The following CAMKMT variants were observed in gnomAD, a reference collection of about 807,000 sequenced individuals.
The protein encoded by CAMKMT is calmodulin-lysine N-methyltransferase.
CAMKMT carries 53 observed loss-of-function variants against 48.0 expected under a neutral mutation model. The ratio of observed to expected loss-of-function variants is 1.10; its 90% CI spans 0.89 to 1.39. CAMKMT has a LOEUF of 1.39. Ranked by LOEUF, CAMKMT falls within the 40% of genes most tolerant of loss-of-function variation. The pLI, the probability that CAMKMT is intolerant of heterozygous loss-of-function variation, is 0.00. For missense variants in CAMKMT, 428 were observed against 402.7 expected, an observed-to-expected ratio of 1.06 and a Z score of -0.54; for synonymous variants, 165 against 152.3, an observed-to-expected ratio of 1.08 and a Z score of -0.61.
chr2:44,753,866 T>G (rs1037765983), intron 8 of CAMKMT, among the ~76,000 whole-genome samples, 189 bp from the exon 9 acceptor site: 1 of 152,236 alleles, frequency 6.6e-6, no homozygotes, highest in Non-Finnish European at 1.5e-5. Context: ...TTGGCTTTAG[T>G]TGGATAACAC....
chr2:44,706,613 A>ATTT (rs35364346), intron 5 of CAMKMT, among the ~76,000 whole-genome samples: 1 of 136,226 alleles, frequency 7.3e-6, no homozygotes, highest in Non-Finnish European at 1.6e-5. Context: ...TAGCGAAAGC[A>ATTT]TTTTTTTTTT....
At chr2:44,625,055 C>G (rs1035542093) in intron 3 of CAMKMT, among the ~76,000 whole-genome samples, 6 of 152,138 alleles carry the variant, frequency 3.9e-5, no homozygotes, top group Non-Finnish European at 8.8e-5. Context: ...ATATGTTTAA[C>G]TTTGTAAGAA....
chr2:44,673,981 GAAGAA>G (rs1675517656), intron 3 of CAMKMT, among the ~76,000 whole-genome samples: 1 of 152,154 alleles, frequency 6.6e-6, no homozygotes, highest in Non-Finnish European at 1.5e-5. Context: ...CCTTCTTGCT[GAAGAA>G]AAGTTTGAAT....
rs56885024 is a variant in CAMKMT, at chr2:44,465,568, C to CAAAA, written c.376+75276_376+75279dup. Among the ~76,000 whole-genome samples the CAAAA allele has an allele frequency of 8.6e-4, 114 of 133,326 alleles. 1 individual carries two copies. Among genetic ancestry groups the CAAAA allele is most frequent in the South Asian group, 3.9e-3 (16 of 4,154 alleles). 87.5% of individuals were successfully genotyped at this position (133,326 alleles called of 152,430 possible). The stretch of plus-strand genomic sequence containing the variant: ...CCAAGTTTGTGCCACTGTACTCTGT[C>CAAAA]AAAAAAAAAAAAAAAATCAATGAAA... On this transcript the variant is annotated intron_variant, in intron 3 of 10. Transcript: ENST00000378494.
chr2:44,371,824 T>G (rs1679210405), intron 1 of CAMKMT, among the ~76,000 whole-genome samples: 1 of 152,134 alleles, frequency 6.6e-6, no homozygotes, highest in Non-Finnish European at 1.5e-5. Flanking sequence ...TGTCATGAAA[T>G]ATCTGATCAG....
chr2:44,604,156 G>T (rs1175288469), intron 3 of CAMKMT, among the ~76,000 whole-genome samples: 1 of 152,146 alleles, frequency 6.6e-6, no homozygotes. Context: ...CCTTGATATG[G>T]CCCTTGAATT....
rs1350022936 is a variant in CAMKMT, at chr2:44,371,366, G to A, written c.139-1350G>A. On this transcript the variant is annotated intron_variant, in intron 1 of 10. Transcript: ENST00000378494. ...ATTCCTGGCCTCAAGCAGTCCTCCTGCCTCAGCCTTCCAAAGTGTTAGGAT... is the reference window on the plus strand; with the variant it reads ...ATTCCTGGCCTCAAGCAGTCCTCCTACCTCAGCCTTCCAAAGTGTTAGGAT... Among the ~76,000 whole-genome samples the A allele has an allele frequency of 2.0e-5, 3 of 152,144 alleles. No individual in the cohort carries two copies. The East Asian group carries it at 5.8e-4, about 29-fold the overall frequency.
intron 7 of CAMKMT, among the ~76,000 whole-genome samples, chr2:44,727,007 T>A (rs1017363142): frequency 6.6e-6 from 1 of 152,206 alleles, no homozygotes; most frequent in African/African-American, 2.4e-5. Context: ...ACCAAGCTGT[T>A]TTGGTGACTA....
intron 3 of CAMKMT, among the ~76,000 whole-genome samples, chr2:44,611,727 C>T (rs1191081530): frequency 6.6e-6 from 1 of 151,840 alleles, no homozygotes; most frequent in African/African-American, 2.4e-5. Context: ...GTTGTGCAGG[C>T]TTTACAGGAA....
At chr2:44,410,946 T>G (rs908222841) in intron 3 of CAMKMT, among the ~76,000 whole-genome samples, 11 of 152,228 alleles carry the variant, frequency 7.2e-5, no homozygotes, top group Non-Finnish European at 1.5e-4. Context: ...TAATTGATAG[T>G]TCTAAAGTAA....
At chr2:44,519,751 T>C (rs1020565606) in intron 3 of CAMKMT, among the ~76,000 whole-genome samples, 1 of 152,188 alleles carries the variant, frequency 6.6e-6, no homozygotes, top group Non-Finnish European at 1.5e-5. Flanking sequence ...ACATGCACTA[T>C]TTCATTTGGT....
intron 3 of CAMKMT, among the ~76,000 whole-genome samples, chr2:44,427,806 G>C (rs1161392133): frequency 1.3e-5 from 2 of 152,040 alleles, no homozygotes; most frequent in African/African-American, 2.4e-5. Flanking sequence ...TTTTCTGCTT[G>C]GTAAAAATGT....
At position 44,657,445 on chromosome 2, in the gene CAMKMT, G is replaced by A. The variant is rs1312741229; in HGVS notation, c.377-46838G>A. Among the ~76,000 whole-genome samples, 1 of 152,152 alleles carries A rather than the reference G, an allele frequency of 6.6e-6. No homozygotes were observed. The highest frequency in any genetic ancestry group is 2.4e-5 in the African/African-American group (1 of 41,442). On this transcript the variant is annotated intron_variant, in intron 3 of 10. Transcript: ENST00000378494. This position sits in a 1 kb window ranked among gnomAD's most constrained non-coding sequence, Gnocchi z 4.3. Reference sequence around the variant, plus strand: ...TGACTCTTCCACCCTCCCTATGAAAGGATTGGCAGATCAGAAATTTGGTTA... The same window carrying A: ...TGACTCTTCCACCCTCCCTATGAAAAGATTGGCAGATCAGAAATTTGGTTA...
At chr2:44,640,195 A>G (rs1673370986) in intron 3 of CAMKMT, among the ~76,000 whole-genome samples, 3 of 152,226 alleles carry the variant, frequency 2.0e-5, no homozygotes, top group African/African-American at 4.8e-5. Flanking sequence ...GTAAAATGGA[A>G]TAGAAGGAGT....
At chr2:44,677,140 A>G (rs1389741797) in intron 3 of CAMKMT, among the ~76,000 whole-genome samples, 2 of 152,162 alleles carry the variant, frequency 1.3e-5, no homozygotes, top group Non-Finnish European at 2.9e-5. Flanking sequence ...GACCTACAAA[A>G]TTTATTGAGC....
chr2:44,512,689 A>G (rs995925859), intron 3 of CAMKMT, among the ~76,000 whole-genome samples: 1 of 152,260 alleles, frequency 6.6e-6, no homozygotes, highest in Non-Finnish European at 1.5e-5. Flanking sequence ...CAACATCAAA[A>G]TATCTATACC....
At chr2:44,756,011 G>A (rs1042848338) in intron 9 of CAMKMT, among the ~76,000 whole-genome samples, 1 of 152,216 alleles carries the variant, frequency 6.6e-6, no homozygotes, top group African/African-American at 2.4e-5. Context: ...AGCCTAAAGT[G>A]TAAGGAGCCC....
intron 3 of CAMKMT, among the ~76,000 whole-genome samples, chr2:44,448,799 T>C (rs551923022): frequency 6.6e-6 from 1 of 152,326 alleles, no homozygotes; most frequent in Admixed American, 6.5e-5. Context: ...ATTTATTCAA[T>C]GGAATATTTT....
Position 44,486,209 on chromosome 2 carries a change from C to T in CAMKMT, c.376+95904C>T, listed in dbSNP as rs529759008. On this transcript the variant is annotated intron_variant, in intron 3 of 10. Transcript: ENST00000378494. ...CTTGAACTCCTGGCCTCAAGTGATCCACCCACCTTGGCCTCCCAAAGTGCT... is the reference window on the plus strand; with the variant it reads ...CTTGAACTCCTGGCCTCAAGTGATCTACCCACCTTGGCCTCCCAAAGTGCT... Among the ~76,000 whole-genome samples the T allele has an allele frequency of 8.5e-5, 13 of 152,230 alleles. No individual in the cohort carries two copies. The East Asian group carries it at 2.5e-3, about 29-fold the overall frequency.
Sources: allele counts gnomAD v4.1 joint callset (sites outside exome capture counted in the v4.1 genomes callset), GRCh38; gene constraint gnomAD v4.1.1; non-coding constraint Gnocchi (gnomAD v3.1); transcripts MANE v1.5; gene names NCBI Gene and HGNC (gene_info 2026-07-23, HGNC 2026-07-21).